The following RBFOX1 variants were observed in gnomAD, a reference collection of about 807,000 sequenced individuals.
The protein encoded by RBFOX1 is RNA binding fox-1 homolog 1.
RBFOX1 carries 8 observed loss-of-function variants against 57.7 expected under a neutral mutation model. That is an observed-to-expected ratio of 0.14 (90% CI 0.08 to 0.25). The LOEUF is 0.25. RBFOX1 is among the 10% of genes least tolerant of loss of function. The pLI is 1.00. For synonymous variants in RBFOX1, 326 were observed against 222.4 expected, an observed-to-expected ratio of 1.47 and a Z score of -4.15; for missense variants, 611 against 548.5, an observed-to-expected ratio of 1.11 and a Z score of -1.14.
intron 1 of RBFOX1, among the ~76,000 whole-genome samples, chr16:6,154,486 A>G (rs2096824964): frequency 6.6e-6 from 1 of 152,216 alleles, no homozygotes; most frequent in African/African-American, 2.4e-5. Flanking sequence ...TCCTACAGGT[A>G]GATTCTTTTT....
At chr16:6,418,519 ATTTTTTTT>A (rs567448072) in intron 2 of RBFOX1, among the ~76,000 whole-genome samples, 2,486 of 100,936 alleles carry the variant, frequency 0.025, 29 homozygotes, top group Middle Eastern at 0.049. Context: ...TGCAAGCCTT[ATTTTTTTT>A]TTTTTTTTTT....
intron 10 of RBFOX1, among the ~76,000 whole-genome samples, chr16:7,613,398 C>G (rs1403316156): frequency 6.6e-6 from 1 of 152,162 alleles, no homozygotes; most frequent in East Asian, 1.9e-4. Context: ...ACATCACAGA[C>G]TGTAAAATAG....
At chr16:6,574,647 C>G (rs1196026222) in intron 2 of RBFOX1, among the ~76,000 whole-genome samples, 1 of 145,580 alleles carries the variant, frequency 6.9e-6, no homozygotes, top group South Asian at 2.2e-4. Flanking sequence ...CCGGGATGGT[C>G]TCGATCTCCT....
At chr16:7,516,940 G>C (rs2076485396) in intron 4 of RBFOX1, among the ~76,000 whole-genome samples, 1 of 152,056 alleles carries the variant, frequency 6.6e-6, no homozygotes, top group South Asian at 2.1e-4. Context: ...AAGAGATAAG[G>C]AGAAATTCTG....
chr16:6,962,956 G>A (rs1203839697), intron 3 of RBFOX1, among the ~76,000 whole-genome samples: 6 of 152,064 alleles, frequency 3.9e-5, no homozygotes, highest in South Asian at 2.1e-4. Context: ...TGCTTTGATC[G>A]CTCAGCAGTT....
intron 4 of RBFOX1, among the ~76,000 whole-genome samples, chr16:7,479,046 A>G (rs1169704680): frequency 6.6e-6 from 1 of 151,986 alleles, no homozygotes; most frequent in Non-Finnish European, 1.5e-5. Context: ...GAATCCACAA[A>G]CAGGAAAGTG....
At chr16:6,538,608 G>A (rs911216892) in intron 2 of RBFOX1, among the ~76,000 whole-genome samples, 1 of 152,234 alleles carries the variant, frequency 6.6e-6, no homozygotes, top group Non-Finnish European at 1.5e-5. Context: ...TGTCCAGGCT[G>A]TGGAGAAACT....
At chr16:7,327,512 C>T (rs968538465) in intron 4 of RBFOX1, among the ~76,000 whole-genome samples, 2 of 152,052 alleles carry the variant, frequency 1.3e-5, no homozygotes, top group Non-Finnish European at 2.9e-5. Flanking sequence ...TGTCAATATC[C>T]AAAAGATAAG....
chr16:6,682,526 G>C (rs936304394), intron 3 of RBFOX1, among the ~76,000 whole-genome samples: 7 of 152,124 alleles, frequency 4.6e-5, no homozygotes, highest in Non-Finnish European at 1.0e-4. Flanking sequence ...CTCAATCTTG[G>C]CATTATTGGC....
intron 1 of RBFOX1, chr16:6,092,815 T>G (rs549223056): frequency 6.6e-6 from 1 of 152,364 alleles, no homozygotes; most frequent in East Asian, 1.9e-4. Flanking sequence ...TAGTTTGAAG[T>G]TGGGTAACTT....
intron 4 of RBFOX1, among the ~76,000 whole-genome samples, chr16:7,199,365 A>G (rs576729642): frequency 3.9e-5 from 6 of 152,142 alleles, no homozygotes; most frequent in Non-Finnish European, 8.8e-5. Flanking sequence ...ATCGAATGGT[A>G]ATCATTTAAA....
At chr16:6,483,399 C>A in intron 2 of RBFOX1, 3 of 1,533,824 alleles carry the variant, frequency 2.0e-6, no homozygotes, top group South Asian at 1.2e-5. Flanking sequence ...TGACTGGAGT[C>A]ATTTACATTG....
At chr16:6,981,189 G>A (rs1411198490) in intron 3 of RBFOX1, among the ~76,000 whole-genome samples, 1 of 151,858 alleles carries the variant, frequency 6.6e-6, no homozygotes, top group Non-Finnish European at 1.5e-5. Context: ...TGTGATGGGG[G>A]TTTGTGGTAC....
intron 2 of RBFOX1, among the ~76,000 whole-genome samples, chr16:5,582,040 T>C (rs8063251): frequency 0.065 from 9,894 of 152,308 alleles, 1,093 homozygotes; most frequent in African/African-American, 0.22. Flanking sequence ...ATTGCAGATG[T>C]TCAGCATAGA....
chr16:7,312,967 T>C (rs11866790), intron 4 of RBFOX1, among the ~76,000 whole-genome samples: 119,674 of 151,988 alleles, frequency 0.79, 47,234 homozygotes, highest in East Asian at 0.94. Context: ...GAGGGTACCC[T>C]AGTTTCAGGA....
At chr16:7,421,457 C>G (rs2098541949) in intron 4 of RBFOX1, among the ~76,000 whole-genome samples, 1 of 152,210 alleles carries the variant, frequency 6.6e-6, no homozygotes, top group Non-Finnish European at 1.5e-5. Context: ...TAAACACCAG[C>G]CTGAATGTTT....
intron 2 of RBFOX1, among the ~76,000 whole-genome samples, chr16:6,615,601 T>A (rs141136952): frequency 6.6e-6 from 1 of 151,874 alleles, no homozygotes; most frequent in Non-Finnish European, 1.5e-5. Flanking sequence ...TCCCAATAAA[T>A]ATGGCCACAG....
intron 3 of RBFOX1, among the ~76,000 whole-genome samples, chr16:6,841,717 C>T (rs146687661): frequency 4.0e-4 from 61 of 152,232 alleles, no homozygotes; most frequent in African/African-American, 1.5e-3. Context: ...CACATGAACC[C>T]TCTAAGAAGT....
intron 4 of RBFOX1, among the ~76,000 whole-genome samples, chr16:7,402,902 T>C (rs979643777): frequency 4.6e-5 from 7 of 152,162 alleles, no homozygotes; most frequent in African/African-American, 1.7e-4. Flanking sequence ...AAGTATAAAC[T>C]GTGGTCTATA....
Sources: allele counts gnomAD v4.1 joint callset (sites outside exome capture counted in the v4.1 genomes callset), GRCh38; gene constraint gnomAD v4.1.1; transcripts MANE v1.5; gene names NCBI Gene and HGNC (gene_info 2026-07-23, HGNC 2026-07-21).